The following ATRNL1 variants were observed in gnomAD, a reference collection of about 807,000 sequenced individuals.
The protein encoded by ATRNL1 is attractin-like protein 1.
Under a neutral mutation model 182.7 loss-of-function variants are expected in ATRNL1, and 95 were observed. The ratio of observed to expected loss-of-function variants is 0.52; its 90% CI spans 0.44 to 0.62. The LOEUF (loss-of-function observed/expected upper bound fraction) is 0.62. Among genes scored for constraint, ATRNL1 ranks in the 20% least tolerant of loss-of-function variants. The probability of loss-of-function intolerance (pLI) is 0.00; values close to 1 mark genes in which losing one functional copy is unlikely to be tolerated. For synonymous variants in ATRNL1, 576 were observed against 568.3 expected (o/e 1.01, Z -0.19); for missense variants, 1,471 against 1,679.5 (o/e 0.88, Z 2.17).
chr10:115,378,750 T>C (rs559208034), intron 19 of ATRNL1, among the ~76,000 whole-genome samples: 26 of 152,356 alleles, frequency 1.7e-4, no homozygotes, highest in African/African-American at 5.8e-4. Flanking sequence ...TTTTAAATTA[T>C]AGGGTATTTG....
intron 19 of ATRNL1, among the ~76,000 whole-genome samples, chr10:115,381,967 A>G (rs573510935): frequency 6.6e-6 from 1 of 151,856 alleles, no homozygotes; most frequent in Admixed American, 6.6e-5. Flanking sequence ...TTCTTCCCCC[A>G]TTTACTTATT....
chr10:115,679,969 G>C (rs1945995361), intron 26 of ATRNL1, among the ~76,000 whole-genome samples: 1 of 152,066 alleles, frequency 6.6e-6, no homozygotes, highest in Non-Finnish European at 1.5e-5. Context: ...TTAAACACAT[G>C]AGATATGTGA....
In ATRNL1 at chr10:115,418,654, A is replaced by T. The variant is rs555550179; in HGVS notation, c.3270-7596A>T. ...ATACCACAAGGCATGTCACAATTAA[A>T]CTCACAAAGATCAATGACTAAGAGA... On this transcript the variant is annotated intron_variant, in intron 20 of 28. Transcript: ENST00000355044. Among the ~76,000 whole-genome samples, 26 of 152,310 alleles carry T rather than the reference A, an allele frequency of 1.7e-4. No homozygotes were observed. In the South Asian group the frequency reaches 5.2e-3, roughly 30 times the overall value.
At chr10:115,449,113 GA>G (rs1847158189) in intron 21 of ATRNL1, among the ~76,000 whole-genome samples, 2 of 152,188 alleles carry the variant, frequency 1.3e-5, no homozygotes, top group Non-Finnish European at 2.9e-5. Flanking sequence ...CCCAAAGGGA[GA>G]AATTTCTATC....
intron 24 of ATRNL1, among the ~76,000 whole-genome samples, chr10:115,479,850 A>G (rs1554973825): frequency 6.6e-6 from 1 of 151,348 alleles, no homozygotes; most frequent in East Asian, 1.9e-4. Context: ...AAGTGTATTG[A>G]ACTTAAGTAC....
intron 1 of ATRNL1, among the ~76,000 whole-genome samples, chr10:115,104,693 CT>C (rs1449121556): frequency 8.5e-5 from 13 of 152,210 alleles, no homozygotes; most frequent in African/African-American, 2.6e-4. Context: ...ATTTCTAAGT[CT>C]TTAATCCATT....
chr10:115,336,976 G>A (rs1554936889), intron 19 of ATRNL1, among the ~76,000 whole-genome samples: 1 of 17,006 alleles, frequency 5.9e-5, no homozygotes, highest in African/African-American at 1.2e-4. Flanking sequence ...CTCCCAAGTA[G>A]CTGGGGGGGG....
rs10885750 is a variant in ATRNL1 at position 115,596,519 on chromosome 10, G to T, written c.3795+46983G>T. ...AATGACATTCATGGATTATCATGAAGAAGTTAAAGTAGTCACAAATGGAAA... is the reference window on the plus strand; with the variant it reads ...AATGACATTCATGGATTATCATGAATAAGTTAAAGTAGTCACAAATGGAAA... On this transcript the variant is annotated intron_variant, in intron 26 of 28. Coordinates refer to ENST00000355044, the MANE Select transcript of ATRNL1 (RefSeq NM_207303.4). Among the ~76,000 whole-genome samples, 485 of 152,104 alleles carry T rather than the reference G, an allele frequency of 3.2e-3. 1 individual carries two copies. The highest frequency in any genetic ancestry group is 0.011 in the African/African-American group (450 of 41,480).
At chr10:115,301,137 A>G (rs79701138) in intron 16 of ATRNL1, among the ~76,000 whole-genome samples, 2,113 of 152,188 alleles carry the variant, frequency 0.014, 43 homozygotes, top group African/African-American at 0.048. Context: ...TCATCCATTC[A>G]TTTATCAATG....
At chr10:115,643,924 T>G (rs561992560) in intron 26 of ATRNL1, among the ~76,000 whole-genome samples, 3 of 152,172 alleles carry the variant, frequency 2.0e-5, no homozygotes, top group African/African-American at 7.2e-5. Context: ...TAAGTATAGT[T>G]AAGCATATAC....
At chr10:115,168,698 TC>T (rs1392225490) in intron 7 of ATRNL1, among the ~76,000 whole-genome samples, 1 of 152,132 alleles carries the variant, frequency 6.6e-6, no homozygotes, top group Non-Finnish European at 1.5e-5. Flanking sequence ...CTTCATATGT[TC>T]TAGATACAAG....
intron 5 of ATRNL1, among the ~76,000 whole-genome samples, chr10:115,139,621 C>T (rs1201273951): frequency 6.6e-6 from 1 of 152,170 alleles, no homozygotes; most frequent in Non-Finnish European, 1.5e-5. Context: ...CTACTGGGTC[C>T]CTTCCATAAC....
chr10:115,474,952 A>C (rs1417040479), intron 24 of ATRNL1, among the ~76,000 whole-genome samples: 1 of 151,358 alleles, frequency 6.6e-6, no homozygotes, highest in East Asian at 1.9e-4. Context: ...CTTTTTACCC[A>C]AATCCCCCTA....
chr10:115,363,575 G>A (rs1349875167), intron 19 of ATRNL1, among the ~76,000 whole-genome samples: 30 of 147,998 alleles, frequency 2.0e-4, no homozygotes, highest in East Asian at 6.0e-4. Flanking sequence ...TTGGTGTTTT[G>A]GACATGAAGT....
chr10:115,735,373 T>C (rs1405352289), intron 27 of ATRNL1, among the ~76,000 whole-genome samples: 1 of 152,162 alleles, frequency 6.6e-6, no homozygotes, highest in Non-Finnish European at 1.5e-5. Context: ...CACGTGAAAA[T>C]TGTTCTGACA....
intron 24 of ATRNL1, among the ~76,000 whole-genome samples, chr10:115,490,859 C>T (rs971457388): frequency 3.3e-5 from 5 of 152,124 alleles, no homozygotes; most frequent in Admixed American, 6.6e-5. Flanking sequence ...TCCCCATCTT[C>T]GTGTATTTAT....
At chr10:115,881,734 G>A (rs1027478016) in intron 28 of ATRNL1, among the ~76,000 whole-genome samples, 15 of 152,240 alleles carry the variant, frequency 9.9e-5, no homozygotes, top group Admixed American at 5.2e-4. Flanking sequence ...TGTGGAAAGC[G>A]AGACTTGGAG....
At chr10:115,581,159 C>G in intron 26 of ATRNL1, among the ~76,000 whole-genome samples, 1 of 152,130 alleles carries the variant, frequency 6.6e-6, no homozygotes, top group East Asian at 1.9e-4. Flanking sequence ...TGTTATCAGA[C>G]TAGTGTCTTT....
Position 115,129,547 on chromosome 10 carries a change from T to C in ATRNL1, c.829+12T>C, listed in dbSNP as rs1554874563. The C allele has an allele frequency of 6.2e-7, 1 of 1,606,256 alleles. No homozygotes were observed. Among genetic ancestry groups the C allele is most frequent in the Admixed American group, 1.7e-5 (1 of 59,956 alleles). ...TGATAGTTGGCAAGGTAAGCATGTG[T>C]GGTGTGATGGCTTTTGAAACATTGA... On this transcript the variant is annotated intron_variant, in intron 5 of 28. Coordinates refer to ENST00000355044, the MANE Select transcript of ATRNL1 (RefSeq NM_207303.4).
Sources: allele counts gnomAD v4.1 joint callset (sites outside exome capture counted in the v4.1 genomes callset), GRCh38; gene constraint gnomAD v4.1.1; transcripts MANE v1.5; gene names NCBI Gene and HGNC (gene_info 2026-07-23, HGNC 2026-07-21).